The following MYO1B variants were observed in gnomAD, a reference collection of about 807,000 sequenced individuals.
The protein encoded by MYO1B is myosin IB.
In MYO1B, 72 loss-of-function variants were observed where a neutral mutation model predicts 159.7. The observed-to-expected ratio is 0.45, with a 90% CI of 0.37 to 0.55. MYO1B has a LOEUF of 0.55. Among genes scored for constraint, MYO1B ranks in the 20% least tolerant of loss-of-function variants. MYO1B has a pLI of 0.00. For synonymous variants in MYO1B, 468 were observed against 473.8 expected (o/e 0.99, Z 0.16); for missense variants, 1,062 against 1,364.8 (o/e 0.78, Z 3.50).
intron 2 of MYO1B, among the ~76,000 whole-genome samples, chr2:191,283,860 A>G (rs367804032): frequency 1.3e-5 from 2 of 152,244 alleles, no homozygotes; most frequent in Admixed American, 1.3e-4. Context: ...GAATGAGGCA[A>G]TCTGAAAATG....
chr2:191,362,140 G>A (rs940509813), intron 8 of MYO1B, 128 bp from the exon 9 acceptor site: 3 of 638,992 alleles, frequency 4.7e-6, no homozygotes, highest in Non-Finnish European at 8.1e-6. Context: ...GGTATAATTT[G>A]TGTTCTTTTG....
At chr2:191,346,082 T>C (rs913605510) in intron 5 of MYO1B, among the ~76,000 whole-genome samples, 154 bp from the exon 6 acceptor site, 4 of 152,240 alleles carry the variant, frequency 2.6e-5, no homozygotes, top group African/African-American at 9.6e-5. Context: ...AAGACTTCTG[T>C]TAAGTATATT....
At chr2:191,412,089 A>G (rs1697282487) in intron 27 of MYO1B, among the ~76,000 whole-genome samples, 1 of 152,210 alleles carries the variant, frequency 6.6e-6, no homozygotes, top group Non-Finnish European at 1.5e-5. Context: ...CTGGGTTTAA[A>G]TATTTTAAAT....
intron 30 of MYO1B, among the ~76,000 whole-genome samples, chr2:191,419,288 G>A (rs1166197387): frequency 6.6e-6 from 1 of 151,560 alleles, no homozygotes; most frequent in Non-Finnish European, 1.5e-5. Flanking sequence ...GCGTGATCTC[G>A]GCTCACTGCA....
At chr2:191,400,964 G>C in intron 23 of MYO1B, 129 bp downstream of exon 23, 2 of 809,472 alleles carry the variant, frequency 2.5e-6, no homozygotes, top group Admixed American at 2.8e-5. Flanking sequence ...CTAGCCGCCA[G>C]ATTTAACACA....
At chr2:191,310,858 T>A (rs1422838291) in intron 3 of MYO1B, among the ~76,000 whole-genome samples, 2 of 152,208 alleles carry the variant, frequency 1.3e-5, no homozygotes, top group African/African-American at 2.4e-5. Flanking sequence ...TATATGTGTG[T>A]AAATGCAATT....
At chr2:191,375,846 C>G (rs1422421361) in intron 13 of MYO1B, among the ~76,000 whole-genome samples, 1 of 151,816 alleles carries the variant, frequency 6.6e-6, no homozygotes, top group Non-Finnish European at 1.5e-5. Context: ...GTAGTCCCAG[C>G]TACTTGGGAG....
intron 3 of MYO1B, among the ~76,000 whole-genome samples, chr2:191,326,007 C>T (rs1038635352): frequency 6.6e-6 from 1 of 152,150 alleles, no homozygotes; most frequent in African/African-American, 2.4e-5. Flanking sequence ...TGACCCTATT[C>T]TTAGAGCTCA....
chr2:191,364,612 A>G (rs552909862), intron 11 of MYO1B, among the ~76,000 whole-genome samples: 5 of 152,348 alleles, frequency 3.3e-5, no homozygotes, highest in African/African-American at 1.2e-4. Flanking sequence ...GTGGGAAATG[A>G]CTGAAGGGTT....
At chr2:191,366,109 T>A (rs1197377330) in intron 11 of MYO1B, among the ~76,000 whole-genome samples, 3 of 152,066 alleles carry the variant, frequency 2.0e-5, no homozygotes, top group Non-Finnish European at 4.4e-5. Flanking sequence ...ATAGCCAGAG[T>A]GGGAATTGTT....
At chr2:191,296,551 T>C (rs2125814048) in intron 3 of MYO1B, among the ~76,000 whole-genome samples, 1 of 152,352 alleles carries the variant, frequency 6.6e-6, no homozygotes, top group South Asian at 2.1e-4. Context: ...ATAAAGAGCC[T>C]AAGCAGCTTT....
In MYO1B at chr2:191,364,201, T is replaced by C. The variant is rs769928219; in HGVS notation, c.957T>C (p.Val319=). 5.6e-6 allele frequency: 9 copies of C among 1,613,864 alleles called. No individual in the cohort carries two copies. In the African/African-American group the frequency reaches 1.1e-4, roughly 19 times the overall value. Residue 319 remains valine (V), a synonymous_variant, in exon 11 of 31, where the codon GTT becomes GTC. Coordinates refer to ENST00000392318, the MANE Select transcript of MYO1B (RefSeq NM_001130158.3). ...AATTGACCGGCATTGATCAATCAGTTCTAGAACGAGCATTCAGTTTCCGAA... is the reference window on the plus strand; with the variant it reads ...AATTGACCGGCATTGATCAATCAGTCCTAGAACGAGCATTCAGTTTCCGAA... ...ICELTGIDQS[V]LERAFSFRTV...
intron 22 of MYO1B, 75 bp downstream of exon 22, chr2:191,400,543 G>A: frequency 6.5e-7 from 1 of 1,532,744 alleles, no homozygotes; most frequent in Non-Finnish European, 9.0e-7. Flanking sequence ...CGGCTTCAGG[G>A]GCAGAAAATG....
intron 29 of MYO1B, 48 bp downstream of exon 29, chr2:191,414,717 T>C: frequency 1.3e-6 from 2 of 1,555,424 alleles, no homozygotes; most frequent in Non-Finnish European, 1.7e-6. Context: ...CAGCCATTGA[T>C]TTAAAAAATT....
intron 6 of MYO1B, among the ~76,000 whole-genome samples, chr2:191,348,261 T>A (rs1362411849): frequency 1.3e-5 from 2 of 152,180 alleles, no homozygotes; most frequent in Non-Finnish European, 2.9e-5. Context: ...ATCCTATTTT[T>A]TTACTCTCAG....
intron 27 of MYO1B, among the ~76,000 whole-genome samples, chr2:191,413,717 A>G (rs1697388952): frequency 6.6e-6 from 1 of 152,164 alleles, no homozygotes. Flanking sequence ...ATTAGAAGAA[A>G]TTGCCTTTTC....
intron 3 of MYO1B, among the ~76,000 whole-genome samples, chr2:191,314,935 C>T (rs1690247312): frequency 6.6e-6 from 1 of 152,004 alleles, no homozygotes; most frequent in South Asian, 2.1e-4. Flanking sequence ...CTCAGTGGTG[C>T]TATATTTTTA....
intron 27 of MYO1B, among the ~76,000 whole-genome samples, chr2:191,411,427 A>C (rs1408935279): frequency 6.6e-6 from 1 of 152,220 alleles, no homozygotes; most frequent in Non-Finnish European, 1.5e-5. Flanking sequence ...AAATAATTAG[A>C]AGTCATTTAA....
At chr2:191,246,468 A>G (rs1400858720) in intron 1 of MYO1B, 2 of 152,210 alleles carry the variant, frequency 1.3e-5, no homozygotes, top group African/African-American at 4.8e-5. Flanking sequence ...TATTGCTGCA[A>G]CAAGTTGTGT....
Sources: gnomAD v4.1 joint callset for allele counts (sites outside exome capture counted in the v4.1 genomes callset) on GRCh38, gnomAD v4.1.1 for gene constraint, MANE v1.5 for transcripts, NCBI Gene and HGNC (gene_info 2026-07-23, HGNC 2026-07-21) for gene names.